ZNF804B: variants seen among roughly 807,000 people sequenced by gnomAD.
ZNF804B encodes zinc finger protein 804B.
Under a neutral mutation model 101.4 loss-of-function variants are expected in ZNF804B, and 80 were observed. The observed-to-expected ratio is 0.79, with a 90% CI of 0.66 to 0.95. The LOEUF is 0.95. Among genes scored for constraint, ZNF804B ranks in the 40% least tolerant of loss-of-function variants. The pLI, the probability that ZNF804B is intolerant of heterozygous loss-of-function variation, is 0.00. For synonymous variants in ZNF804B, 622 were observed against 558.8 expected, an observed-to-expected ratio of 1.11 and a Z score of -1.59; for missense variants, 1,673 against 1,561.9, an observed-to-expected ratio of 1.07 and a Z score of -1.20.
intron 1 of ZNF804B, among the ~76,000 whole-genome samples, chr7:89,000,194 T>C (rs1053412266): frequency 6.6e-6 from 1 of 151,982 alleles, no homozygotes; most frequent in Non-Finnish European, 1.5e-5. Flanking sequence ...TTTCATGTAC[T>C]GCATGACACA....
chr7:88,779,469 A>G (rs1055400800), intron 1 of ZNF804B, among the ~76,000 whole-genome samples: 5 of 152,128 alleles, frequency 3.3e-5, no homozygotes, highest in Non-Finnish European at 7.4e-5. Context: ...CATGGTGACT[A>G]AATATCTCCC....
intron 1 of ZNF804B, among the ~76,000 whole-genome samples, chr7:88,852,434 G>A (rs1031546750): frequency 1.1e-4 from 16 of 152,002 alleles, no homozygotes; most frequent in Admixed American, 9.8e-4. Context: ...TGCTCAGATA[G>A]CCTGATTTAT....
chr7:89,055,400 G>T (rs1414344655), intron 1 of ZNF804B, among the ~76,000 whole-genome samples: 1 of 152,096 alleles, frequency 6.6e-6, no homozygotes, highest in East Asian at 1.9e-4. Context: ...TTTGTAGTTT[G>T]GATGCTATAT....
intron 2 of ZNF804B, among the ~76,000 whole-genome samples, chr7:89,241,802 CT>C (rs35802915): frequency 0.3 from 43,450 of 144,168 alleles, 6,574 homozygotes; most frequent in African/African-American, 0.37. Flanking sequence ...TGAGAATAGT[CT>C]TTTTTTTTTT....
intron 1 of ZNF804B, among the ~76,000 whole-genome samples, chr7:88,885,235 A>G (rs1394305807): frequency 1.3e-5 from 2 of 151,914 alleles, no homozygotes; most frequent in Non-Finnish European, 2.9e-5. Flanking sequence ...CAGAGCAGGA[A>G]TTTTTATTTT....
chr7:88,794,762 C>G, intron 1 of ZNF804B: 1 of 1,613,536 alleles, frequency 6.2e-7, no homozygotes, highest in South Asian at 1.1e-5. Context: ...TCTTTTCTTT[C>G]TACATTTGCT....
At chr7:88,949,710 G>A (rs964123776) in intron 1 of ZNF804B, among the ~76,000 whole-genome samples, 6 of 151,806 alleles carry the variant, frequency 4.0e-5, no homozygotes, top group African/African-American at 1.2e-4. Flanking sequence ...CATGTGCTGC[G>A]TAAAGATGTT....
At chr7:88,980,869 A>G (rs1328165007) in intron 1 of ZNF804B, among the ~76,000 whole-genome samples, 2 of 152,062 alleles carry the variant, frequency 1.3e-5, no homozygotes, top group South Asian at 2.1e-4. Flanking sequence ...ACAGCTGCTT[A>G]TTCCAGCCAG....
intron 1 of ZNF804B, among the ~76,000 whole-genome samples, chr7:89,147,787 G>T (rs1790813055): frequency 6.6e-6 from 1 of 151,702 alleles, no homozygotes. Flanking sequence ...GCTAGGTTGT[G>T]CGTTCCTTAT....
chr7:88,795,338 C>T lies in ZNF804B; in HGVS notation c.108+35254C>T, dbSNP rs10266169. On this transcript the variant is annotated intron_variant, in intron 1 of 3. Transcript: ENST00000333190. ...CTTCCAGTTTCTTTTACAAATCTAACTGATCTATAACTTTTAAAAAAAAAT... is the reference window on the plus strand; with the variant it reads ...CTTCCAGTTTCTTTTACAAATCTAATTGATCTATAACTTTTAAAAAAAAAT... 6.6e-3 allele frequency among the ~76,000 whole-genome samples: 993 copies of T among 151,496 alleles called. 12 individuals are homozygous for T. The highest frequency in any genetic ancestry group is 0.023 in the African/African-American group (958 of 41,290).
chr7:88,896,097 A>G (rs1446338375), intron 1 of ZNF804B, among the ~76,000 whole-genome samples: 2 of 152,146 alleles, frequency 1.3e-5, no homozygotes, highest in Non-Finnish European at 2.9e-5. Flanking sequence ...GTGATTAGTG[A>G]TAAGTCATGT....
At chr7:88,909,478 A>G (rs1792517678) in intron 1 of ZNF804B, among the ~76,000 whole-genome samples, 2 of 151,846 alleles carry the variant, frequency 1.3e-5, no homozygotes, top group African/African-American at 4.8e-5. Flanking sequence ...GATTTAAAAA[A>G]AATCTTCCTC....
chr7:89,247,524 C>T (rs1416235100), intron 2 of ZNF804B, among the ~76,000 whole-genome samples: 1 of 151,536 alleles, frequency 6.6e-6, no homozygotes, highest in Non-Finnish European at 1.5e-5. Flanking sequence ...ACATTGTCTA[C>T]AATCACATAA....
intron 1 of ZNF804B, among the ~76,000 whole-genome samples, chr7:88,903,884 C>T (rs1792428717): frequency 6.6e-6 from 1 of 151,964 alleles, no homozygotes; most frequent in South Asian, 2.1e-4. Flanking sequence ...ATATTTTCTG[C>T]CATTCTGTAG....
intron 1 of ZNF804B, among the ~76,000 whole-genome samples, chr7:89,003,710 T>C (rs1415572495): frequency 6.6e-6 from 1 of 151,990 alleles, no homozygotes; most frequent in Non-Finnish European, 1.5e-5. Context: ...CAAAGCCAAG[T>C]GCTCTTCTGA....
At chr7:89,185,487 C>A (rs1387655780) in intron 1 of ZNF804B, among the ~76,000 whole-genome samples, 4 of 151,878 alleles carry the variant, frequency 2.6e-5, no homozygotes, top group African/African-American at 4.8e-5. Context: ...ATTTATAAAA[C>A]AGTTAGTCCA....
At chr7:89,009,971 A>T (rs2116190599) in intron 1 of ZNF804B, among the ~76,000 whole-genome samples, 1 of 152,294 alleles carries the variant, frequency 6.6e-6, no homozygotes, top group South Asian at 2.1e-4. Context: ...CTCATTTTCC[A>T]TTATTTCCTC....
At chr7:89,093,037 TTG>T (rs1290070274) in intron 1 of ZNF804B, among the ~76,000 whole-genome samples, 1 of 152,218 alleles carries the variant, frequency 6.6e-6, no homozygotes, top group Non-Finnish European at 1.5e-5. Flanking sequence ...CCATTTGTAT[TTG>T]TATGAAAATA....
intron 1 of ZNF804B, chr7:88,794,462 C>T: frequency 1.9e-6 from 3 of 1,613,912 alleles, no homozygotes; most frequent in Non-Finnish European, 2.5e-6. Context: ...GACTGTGTCA[C>T]ATCGTCGAGA....
Sources: allele counts gnomAD v4.1 joint callset (sites outside exome capture counted in the v4.1 genomes callset), GRCh38; gene constraint gnomAD v4.1.1; transcripts MANE v1.5; gene names NCBI Gene and HGNC (gene_info 2026-07-23, HGNC 2026-07-21).